Variants in NLRP5 observed in about 807,000 individuals in gnomAD.
NLRP5 encodes the protein NACHT, LRR and PYD domains-containing protein 5.
A neutral mutation model predicts 113.1 loss-of-function variants in NLRP5; 93 were observed. That is an observed-to-expected ratio of 0.82 (90% CI 0.70 to 0.98). NLRP5 has a LOEUF of 0.98. NLRP5 is among the 50% of genes least tolerant of loss of function. The pLI, the probability that NLRP5 is intolerant of heterozygous loss-of-function variation, is 0.00. For missense variants in NLRP5, 1,808 were observed against 1,514.3 expected (o/e 1.19, Z -3.22); for synonymous variants, 751 against 600.7 (o/e 1.25, Z -3.66).
rs200215825 is a variant in NLRP5, at chr19:56,037,714, A to AC, written c.2616-311_2616-310insC. On this transcript the variant is annotated intron_variant, in intron 9 of 14. Coordinates refer to ENST00000390649, the MANE Select transcript of NLRP5 (RefSeq NM_153447.4). ...GTCTCAAAAAAAAAAAAAAAAAAAA[A>AC]TGTTGGCTGGGGTGGGTTGCTATGA... is the stretch of plus-strand genomic sequence containing the variant. 6.1e-5 allele frequency among the ~76,000 whole-genome samples: 8 copies of AC among 131,672 alleles called. 1 individual carries two copies. The highest frequency in any genetic ancestry group is 6.3e-5 in the Non-Finnish European group (4 of 63,006). 86.4% of individuals were successfully genotyped at this position (131,672 alleles called of 152,430 possible).
intron 13 of NLRP5, 116 bp downstream of exon 13, chr19:56,053,924 G>C (rs538831656): frequency 2.2e-6 from 2 of 915,166 alleles, no homozygotes; most frequent in Admixed American, 4.5e-5. Flanking sequence ...CCTCAAGTTA[G>C]ATGGAGTGCA....
chr19:56,040,836 C>A, intron 10 of NLRP5, 86 bp from the exon 11 acceptor site: 2 of 1,160,530 alleles, frequency 1.7e-6, no homozygotes, highest in South Asian at 1.5e-5. Context: ...GGGGGTGATA[C>A]GTCTTTCCCC....
chr19:55,988,801 TTCTC>T, the NLRP5 span, among the ~76,000 whole-genome samples: 1 of 152,158 alleles, frequency 6.6e-6, no homozygotes, highest in Non-Finnish European at 1.5e-5. Context: ...AATTCGTTCT[TTCTC>T]AAATAACCTT....
chr19:56,031,431 C>G (rs1348698489), intron 7 of NLRP5, among the ~76,000 whole-genome samples: 6 of 151,966 alleles, frequency 3.9e-5, no homozygotes. Flanking sequence ...GAGTTTGAGA[C>G]CAGCCTGGCC....
intron 12 of NLRP5, among the ~76,000 whole-genome samples, chr19:56,053,151 T>A (rs1298792221): frequency 1.3e-5 from 2 of 151,916 alleles, no homozygotes; most frequent in African/African-American, 4.8e-5. Context: ...ATCCCAGCAC[T>A]TTGAGAGGCC....
chr19:56,043,865 C>T (rs1054031392), intron 11 of NLRP5, among the ~76,000 whole-genome samples: 2 of 151,630 alleles, frequency 1.3e-5, no homozygotes, highest in Admixed American at 6.6e-5. Context: ...GCGTGAGCCA[C>T]CACGCCTGGC....
Position 56,013,596 on chromosome 19 carries a change from G to GGT in NLRP5, c.509-2146_509-2145insGT, listed in dbSNP as rs1555765383. ...CATTTATCACATGATGGACATTTGG[G>GGT]TTTTTTTTTTTTTTTTTTTTTGCTA... is the stretch of plus-strand genomic sequence containing the variant. On this transcript the variant is annotated intron_variant, in intron 3 of 14. Coordinates refer to ENST00000390649, the MANE Select transcript of NLRP5 (RefSeq NM_153447.4). Among the ~76,000 whole-genome samples, 155 of 59,310 alleles carry GGT rather than the reference G, an allele frequency of 2.6e-3. 6 individuals are homozygous for GGT. Among genetic ancestry groups the GGT allele is most frequent in the African/African-American group, 0.01 (120 of 11,576 alleles). The allele number at this position is 59,310 out of a possible 152,430, so 38.9% of individuals were successfully genotyped here. A position where few individuals can be genotyped will look rare whatever the true frequency, so the allele number is the denominator to read the frequency against.
At position 56,061,566 on chromosome 19, in the gene NLRP5, G is replaced by A; in HGVS notation, c.*38G>A. 6.2e-7 allele frequency: 1 copy of A among 1,611,552 alleles called. No homozygotes were observed. Among genetic ancestry groups the A allele is most frequent in the Admixed American group, 1.7e-5 (1 of 59,802 alleles). ...CTGCCCCACTCACACCCATCTGATG[G>A]AGGAACTTTAAACGCTGTTTTCTCA... On this transcript the variant is annotated 3_prime_UTR_variant, in exon 15 of 15. Coordinates refer to ENST00000390649, the MANE Select transcript of NLRP5 (RefSeq NM_153447.4).
intron 3 of NLRP5, among the ~76,000 whole-genome samples, chr19:56,014,807 A>G (rs1982343404): frequency 6.6e-6 from 1 of 152,170 alleles, no homozygotes; most frequent in Non-Finnish European, 1.5e-5. Flanking sequence ...ACACTGACTT[A>G]ACTACTATTG....
intron 12 of NLRP5, among the ~76,000 whole-genome samples, chr19:56,051,291 T>C (rs2637113): frequency 0.78 from 118,969 of 152,004 alleles, 47,651 homozygotes; most frequent in Middle Eastern, 0.86. Flanking sequence ...GTTCCAGGTT[T>C]GAGCGATTTT....
intron 12 of NLRP5, among the ~76,000 whole-genome samples, chr19:56,053,063 C>A (rs1365886202): frequency 6.6e-6 from 1 of 152,012 alleles, no homozygotes; most frequent in African/African-American, 2.4e-5. Flanking sequence ...TGCCATTGCA[C>A]TCCAGCCTGG....
chr19:56,004,119 T>G, intron 2 of NLRP5, 24 bp downstream of exon 2: 1 of 1,576,678 alleles, frequency 6.3e-7, no homozygotes, highest in Non-Finnish European at 8.6e-7. Context: ...GGGACAAGTC[T>G]AGGGCAGGGA....
Position 56,005,528 on chromosome 19 carries a change from ACACG to A in NLRP5, c.442+1437_442+1440del, listed in dbSNP as rs201527224. 6.9e-4 allele frequency among the ~76,000 whole-genome samples: 86 copies of A among 124,720 alleles called. 1 individual carries two copies. Among genetic ancestry groups the A allele is most frequent in the African/African-American group, 2.5e-3 (80 of 31,420 alleles). 81.8% of individuals were successfully genotyped at this position (124,720 alleles called of 152,430 possible). A position where few individuals can be genotyped will look rare whatever the true frequency, so the allele number is the denominator to read the frequency against. On this transcript the variant is annotated intron_variant, in intron 2 of 14. Coordinates refer to ENST00000390649, the MANE Select transcript of NLRP5 (RefSeq NM_153447.4). ...TGTACACATATATATTTATACACACACACGCACACACGCAGGTGGCATGCCTGTA... is the reference window on the plus strand; with the variant it reads ...TGTACACATATATATTTATACACACACACACACGCAGGTGGCATGCCTGTA...
At chr19:56,028,564 C>A in intron 7 of NLRP5, 55 bp downstream of exon 7, 2 of 1,497,348 alleles carry the variant, frequency 1.3e-6, no homozygotes, top group Non-Finnish European at 1.8e-6. Context: ...TGTGTCTCTA[C>A]TGCTGGGACT....
intron 1 of NLRP5, among the ~76,000 whole-genome samples, chr19:56,002,306 T>C (rs903977751): frequency 3.9e-5 from 6 of 152,206 alleles, no homozygotes; most frequent in African/African-American, 1.4e-4. Flanking sequence ...TTATCAGATA[T>C]GACTTTTAAG....
upstream of NLRP5, among the ~76,000 whole-genome samples, chr19:55,995,290 A>G (rs1981289609): frequency 6.6e-6 from 1 of 152,168 alleles, no homozygotes. Flanking sequence ...GCAAACCAAC[A>G]TGGCACATGT....
chr19:56,009,601 A>G (rs1201019621), intron 3 of NLRP5, among the ~76,000 whole-genome samples: 1 of 152,194 alleles, frequency 6.6e-6, no homozygotes, highest in East Asian at 1.9e-4. Context: ...ATACGTGTTC[A>G]TGAAATTCAC....
chr19:56,005,755 G>C lies in NLRP5; in HGVS notation c.442+1660G>C, dbSNP rs116570326. Among the ~76,000 whole-genome samples, 555 of 152,298 alleles carry C rather than the reference G, an allele frequency of 3.6e-3. 2 individuals carry two copies. Among genetic ancestry groups the C allele is most frequent in the African/African-American group, 0.012 (488 of 41,568 alleles). On this transcript the variant is annotated intron_variant, in intron 2 of 14. Transcript: ENST00000390649. The stretch of plus-strand genomic sequence containing the variant: ...GAGCTTGGAAAAAAGGCCCAGTGTG[G>C]AGGGCATGTGGGTATTATTCCCAGG...
upstream of NLRP5, among the ~76,000 whole-genome samples, chr19:55,995,082 T>C (rs7250659): frequency 0.92 from 139,388 of 152,132 alleles, 63,980 homozygotes; most frequent in African/African-American, 0.97. Flanking sequence ...AGCTGGAAAC[T>C]ATCATTCTGA....
Sources: gnomAD v4.1 joint callset for allele counts (sites outside exome capture counted in the v4.1 genomes callset) on GRCh38, gnomAD v4.1.1 for gene constraint, MANE v1.5 for transcripts, NCBI Gene and HGNC (gene_info 2026-07-23, HGNC 2026-07-21) for gene names.